PARD3B: variants seen among roughly 807,000 people sequenced by gnomAD.
PARD3B encodes par-3 family cell polarity regulator beta.
A neutral mutation model predicts 130.2 loss-of-function variants in PARD3B; 103 were observed. That is an observed-to-expected ratio of 0.79 (90% CI 0.67 to 0.93). PARD3B has a LOEUF of 0.93. PARD3B is among the 40% of genes least tolerant of loss of function. The pLI is 0.00. For synonymous variants in PARD3B, 583 were observed against 553.2 expected (o/e 1.05, Z -0.76); for missense variants, 1,609 against 1,499.2 (o/e 1.07, Z -1.21).
Position 205,440,113 on chromosome 2 carries a change from A to G in PARD3B, c.2742-257A>G, listed in dbSNP as rs550912604. On this transcript the variant is annotated intron_variant, in intron 19 of 22. Transcript: ENST00000406610. This position sits in a 1 kb window ranked among gnomAD's most constrained non-coding sequence, Gnocchi z 4.2. ...GAAAACAGCCTCTGAAGCTACTATC[A>G]GCCTAGTCATCAGTGGGCAAGATAT... Among the ~76,000 whole-genome samples the G allele has an allele frequency of 8.1e-4, 124 of 152,298 alleles. No individual in the cohort carries two copies. Among genetic ancestry groups the G allele is most frequent in the Non-Finnish European group, 1.6e-3 (106 of 68,020 alleles).
chr2:204,594,865 G>A (rs2033219995), intron 1 of PARD3B, among the ~76,000 whole-genome samples: 1 of 152,154 alleles, frequency 6.6e-6, no homozygotes, highest in African/African-American at 2.4e-5. Flanking sequence ...ACATATGGAA[G>A]CCTCAGCTAT....
intron 1 of PARD3B, among the ~76,000 whole-genome samples, chr2:204,575,665 G>C (rs552958448): frequency 1.3e-5 from 2 of 152,304 alleles, no homozygotes; most frequent in South Asian, 4.1e-4. Flanking sequence ...GGCTCTCTCT[G>C]GCTGTGGGGC....
chr2:205,304,290 G>A (rs569916762), intron 18 of PARD3B, among the ~76,000 whole-genome samples: 111 of 152,178 alleles, frequency 7.3e-4, no homozygotes, highest in Middle Eastern at 6.8e-3. Context: ...TATCACCTGG[G>A]GTGAGGTTAC....
chr2:205,513,150 G>A (rs141568027), intron 21 of PARD3B, among the ~76,000 whole-genome samples: 8 of 152,072 alleles, frequency 5.3e-5, no homozygotes, highest in African/African-American at 1.4e-4. Flanking sequence ...GGAGGAAATC[G>A]TGCTCTCACA....
chr2:205,471,650 A>C (rs1559124900), intron 20 of PARD3B, among the ~76,000 whole-genome samples: 1 of 152,056 alleles, frequency 6.6e-6, no homozygotes, highest in Non-Finnish European at 1.5e-5. Flanking sequence ...AGCATGAGCC[A>C]CCACGCCCGG....
In PARD3B at chr2:204,562,550, T is replaced by C. The variant is rs115958254; in HGVS notation, c.120+16431T>C. Reference sequence around the variant, plus strand: ...TGGCCCAGAAGTCGCTGTGGCTTTATAAAATCTTCGAGAAACTGAAAGAGT... The same window carrying C: ...TGGCCCAGAAGTCGCTGTGGCTTTACAAAATCTTCGAGAAACTGAAAGAGT... On this transcript the variant is annotated intron_variant, in intron 1 of 22. Coordinates refer to ENST00000406610, the MANE Select transcript of PARD3B (RefSeq NM_001302769.2). Among the ~76,000 whole-genome samples the C allele has an allele frequency of 7.1e-3, 1,085 of 152,346 alleles. 16 individuals carry two copies. The highest frequency in any genetic ancestry group is 0.025 in the African/African-American group (1,028 of 41,576).
chr2:205,197,968 C>A (rs1350492152), intron 15 of PARD3B, among the ~76,000 whole-genome samples: 1 of 152,194 alleles, frequency 6.6e-6, no homozygotes, highest in Non-Finnish European at 1.5e-5. Flanking sequence ...CAGGAAGTTA[C>A]ATTCAAAGAC....
rs1356696388 is a variant in PARD3B, at chr2:205,078,691, G to C, written c.505-25735G>C. Among the ~76,000 whole-genome samples, 2 of 152,178 alleles carry C rather than the reference G, an allele frequency of 1.3e-5. No homozygotes were observed. Among genetic ancestry groups the C allele is most frequent in the African/African-American group, 2.4e-5 (1 of 41,444 alleles). ...CTTCTTGAATCTGGACTGGCCCAGT[G>C]ACTTAATTGAAAATCATAGCGTGCA... On this transcript the variant is annotated intron_variant, in intron 4 of 22. Coordinates refer to ENST00000406610, the MANE Select transcript of PARD3B (RefSeq NM_001302769.2). The surrounding 1 kb of genome is among the most constrained non-coding windows in gnomAD (Gnocchi z 4.0).
At chr2:204,939,312 A>G (rs370717937) in intron 2 of PARD3B, among the ~76,000 whole-genome samples, 33 of 152,322 alleles carry the variant, frequency 2.2e-4, no homozygotes, top group South Asian at 1.0e-3. Context: ...CATAAAAGAT[A>G]TTAAGTGCCA....
intron 18 of PARD3B, among the ~76,000 whole-genome samples, chr2:205,394,446 ATCTT>A (rs1371368350): frequency 6.6e-6 from 1 of 152,110 alleles, no homozygotes; most frequent in Non-Finnish European, 1.5e-5. Flanking sequence ...TAGGCTGCTG[ATCTT>A]TCTGAGTCTC....
intron 19 of PARD3B, among the ~76,000 whole-genome samples, chr2:205,416,811 G>T (rs1393246066): frequency 6.6e-6 from 1 of 151,838 alleles, no homozygotes; most frequent in African/African-American, 2.4e-5. Flanking sequence ...AAGATTTCTT[G>T]GTCTTCTTAC....
intron 3 of PARD3B, among the ~76,000 whole-genome samples, chr2:204,999,229 A>G (rs13431736): frequency 0.017 from 2,654 of 152,058 alleles, 39 homozygotes; most frequent in African/African-American, 0.04. Context: ...CCTATAATTC[A>G]TTATCGTTGT....
At chr2:205,224,891 ACTTT>A (rs1437447603) in intron 15 of PARD3B, among the ~76,000 whole-genome samples, 3 of 151,986 alleles carry the variant, frequency 2.0e-5, no homozygotes, top group Non-Finnish European at 1.5e-5. Context: ...CATGCTTGAA[ACTTT>A]CTTTTATCTT....
intron 21 of PARD3B, among the ~76,000 whole-genome samples, chr2:205,536,309 C>T (rs1409405083): frequency 6.6e-6 from 1 of 152,054 alleles, no homozygotes; most frequent in East Asian, 1.9e-4. Flanking sequence ...CTCCTGTGTC[C>T]CCAGGAATAT....
At chr2:204,924,731 G>T (rs1158796819) in intron 2 of PARD3B, among the ~76,000 whole-genome samples, 1 of 152,040 alleles carries the variant, frequency 6.6e-6, no homozygotes, top group African/African-American at 2.4e-5. Context: ...TAATGTAAAA[G>T]TTGGAAGGTA....
intron 15 of PARD3B, among the ~76,000 whole-genome samples, chr2:205,213,479 A>T (rs1479147257): frequency 6.6e-6 from 1 of 152,148 alleles, no homozygotes; most frequent in East Asian, 1.9e-4. Context: ...TGAGTGAATG[A>T]ATAGTGTTGG....
chr2:205,318,821 C>A (rs1031645783), intron 18 of PARD3B, among the ~76,000 whole-genome samples: 7 of 152,162 alleles, frequency 4.6e-5, no homozygotes, highest in East Asian at 3.9e-4. Context: ...CCTCACCCAG[C>A]ATCTTAGTGT....
At chr2:204,960,918 A>C (rs1190454980) in intron 2 of PARD3B, among the ~76,000 whole-genome samples, 1 of 152,220 alleles carries the variant, frequency 6.6e-6, no homozygotes, top group Non-Finnish European at 1.5e-5. Flanking sequence ...CTGGCATTTG[A>C]TTAAAGATCT....
chr2:205,189,646 A>G (rs1003724028), intron 14 of PARD3B, among the ~76,000 whole-genome samples: 1 of 152,184 alleles, frequency 6.6e-6, no homozygotes, highest in South Asian at 2.1e-4. Context: ...AACACTCGAG[A>G]TATGTAGCGT....
Sources: allele counts gnomAD v4.1 joint callset (sites outside exome capture counted in the v4.1 genomes callset), GRCh38; gene constraint gnomAD v4.1.1; non-coding constraint Gnocchi (gnomAD v3.1); transcripts MANE v1.5; gene names NCBI Gene and HGNC (gene_info 2026-07-23, HGNC 2026-07-21).